Variants in SCRIB observed in about 807,000 individuals in gnomAD.
SCRIB encodes scribble planar cell polarity protein, also known as protein scribble homolog.
In SCRIB, 72 loss-of-function variants were observed where a neutral mutation model predicts 170.0. That is an observed-to-expected ratio of 0.42 (90% CI 0.35 to 0.52). The LOEUF (loss-of-function observed/expected upper bound fraction) is 0.52, where lower values mean the gene tolerates loss of function less well. Ranked by LOEUF, SCRIB falls within the 20% of genes least tolerant of loss-of-function variation. The pLI is 0.02. For missense variants in SCRIB, 2,475 were observed against 2,338.5 expected, an observed-to-expected ratio of 1.06 and a Z score of -1.20; for synonymous variants, 1,298 against 1,044.3, an observed-to-expected ratio of 1.24 and a Z score of -4.68.
chr8:143,806,508 C>T, intron 17 of SCRIB, 24 bp from the exon 18 acceptor site: 2 of 1,563,134 alleles, frequency 1.3e-6, no homozygotes, highest in Non-Finnish European at 1.7e-6. Context: ...ACGAGCTTGG[C>T]AGGGGCCAGG....
In SCRIB at chr8:143,791,372, G is replaced by A. The variant is rs369889971; in HGVS notation, c.4822+17C>T. 1.9e-6 allele frequency: 3 copies of A among 1,606,624 alleles called. No individual in the cohort carries two copies. The highest frequency in any genetic ancestry group is 2.7e-5 in the African/African-American group (2 of 74,868). On this transcript the variant is annotated intron_variant, in intron 36 of 36. Transcript: ENST00000356994. ...GCTGGGCTCCTGGGAGCTCACCCCA[G>A]CCCGGCCCCAACTCACCAGGGCTGG...
Position 143,807,578 on chromosome 8 carries a change from C to G in SCRIB, c.2152G>C (p.Glu718Gln), listed in dbSNP as rs1424850563. 3 of 1,613,870 alleles carry G rather than the reference C, an allele frequency of 1.9e-6. No individual in the cohort carries two copies. The African/African-American group carries it at 4.0e-5, about 22-fold the overall frequency. ...SFDQANNLLIEPARIEEEELT... is the reference protein window; with the variant it reads ...SFDQANNLLIQPARIEEEELT... ...TCTTCCTCCTCAATGCGAGCAGGCT[C>G]TATCAGCAGGTTATTGGCCTGGTCA... The change falls in exon 16 of 37, where the codon GAG (glutamate) becomes CAG (glutamine). Residue 718 changes from glutamate to glutamine, a missense_variant. By Grantham distance (29) the Glu-to-Gln change is conservative. Around this residue, in one of 3 missense-constraint regions of SCRIB, gnomAD observed 1,966 missense variants for 1,742.9 expected, o/e 1.13. Transcript: ENST00000356994.
intron 1 of SCRIB, 148 bp from the exon 2 acceptor site, chr8:143,814,266 C>A: frequency 1.5e-6 from 1 of 646,434 alleles, no homozygotes; most frequent in Non-Finnish European, 2.7e-6. Flanking sequence ...CCACGACACC[C>A]CATTTGCAAA....
rs769235411 is a variant in SCRIB at position 143,808,641 on chromosome 8, CCTT to C, written c.2080_2082del (p.Lys694del). 29 of 1,515,772 alleles carry C rather than the reference CCTT, an allele frequency of 1.9e-5. No homozygotes were observed. The African/African-American group carries it at 2.4e-4, about 12-fold the overall frequency. 93.9% of individuals were successfully genotyped at this position (1,515,772 alleles called of 1,614,324 possible). A position where few individuals can be genotyped will look rare whatever the true frequency, so the allele number is the denominator to read the frequency against. On this transcript the variant is annotated inframe_deletion, in exon 15 of 37. Coordinates refer to ENST00000356994, the MANE Select transcript of SCRIB (RefSeq NM_182706.5). ...GAGGGCGCAGAAACCACGGCCCCCT[CCTT>C]GTCCTCCTCCTCAGTGCTGGCCTCT...
In SCRIB at chr8:143,795,315, G is replaced by C; in HGVS notation, c.3733C>G (p.Gln1245Glu). The C allele has an allele frequency of 6.2e-7, 1 of 1,612,738 alleles. No homozygotes were observed. The highest frequency in any genetic ancestry group is 8.5e-7 in the Non-Finnish European group (1 of 1,179,878). ...GPGKEKELPGQTLHWGPEATE... is the reference protein window; with the variant it reads ...GPGKEKELPGETLHWGPEATE... ...GCCTCGGGCCCCCAGTGCAGGGTCTGTCCAGGCAGCTCCTTCTCCTGTGAG... is the reference window on the plus strand; with the variant it reads ...GCCTCGGGCCCCCAGTGCAGGGTCTCTCCAGGCAGCTCCTTCTCCTGTGAG... Residue 1245 changes from glutamine to glutamate, a missense_variant, in exon 26 of 37, where the codon CAG becomes GAG. Gln to Glu is a conservative substitution (Grantham distance 29). Coordinates refer to ENST00000356994, the MANE Select transcript of SCRIB (RefSeq NM_182706.5).
chr8:143,806,873 G>A lies in SCRIB; in HGVS notation c.2268+51C>T, dbSNP rs375632681. On this transcript the variant is annotated intron_variant, in intron 17 of 36. Coordinates refer to ENST00000356994, the MANE Select transcript of SCRIB (RefSeq NM_182706.5). ...GGCCTGTGTGCCATCAGTGTGAACTGTGGTGGGGCAGGCCAGTGGCAGCGG... is the reference window on the plus strand; with the variant it reads ...GGCCTGTGTGCCATCAGTGTGAACTATGGTGGGGCAGGCCAGTGGCAGCGG... 371 of 1,288,104 alleles carry A rather than the reference G, an allele frequency of 2.9e-4. 1 individual carries two copies. Among genetic ancestry groups the A allele is most frequent in the Non-Finnish European group, 3.7e-4 (334 of 907,360 alleles). The allele number at this position is 1,288,104 out of a possible 1,614,324, so 79.8% of individuals were successfully genotyped here. A position where few individuals can be genotyped will look rare whatever the true frequency, so the allele number is the denominator to read the frequency against.
At position 143,792,314 on chromosome 8, in the gene SCRIB, G is replaced by A; in HGVS notation, c.4420C>T (p.Gln1474Ter). Residue 1474 changes from glutamine (Q) to a stop codon, truncating the protein, a stop_gained, in exon 32 of 37, where the codon CAG (glutamine) becomes TAG (stop). Coordinates refer to ENST00000356994, the MANE Select transcript of SCRIB (RefSeq NM_182706.5). LOFTEE classifies it high-confidence loss of function. Reference protein sequence around the residue: ...ERRHQERLRVQSPEPPAPERA... With the variant: ...ERRHQERLRV ...TCGGGTGCCGGTGGCTCCGGACTCT[G>A]CACGCGCAGCCGCTCCTGGTGGCGC... is the stretch of plus-strand genomic sequence containing the variant. 6.4e-7 allele frequency: 1 copy of A among 1,552,696 alleles called. No homozygotes were observed. The highest frequency in any genetic ancestry group is 8.6e-7 in the Non-Finnish European group (1 of 1,156,228).
chr8:143,795,122 G>T lies in SCRIB; in HGVS notation c.3772-10C>A. The T allele has an allele frequency of 6.2e-7, 1 of 1,610,584 alleles. No homozygotes were observed. The highest frequency in any genetic ancestry group is 2.2e-5 in the East Asian group (1 of 44,820). On this transcript the variant is annotated splice_polypyrimidine_tract_variant and intron_variant, in intron 26 of 36. Transcript: ENST00000356994. ...GCTGCAGACCCCGACCCTGGGGGCA[G>T]AGTGAACACAGCACTAGCAGGGGTA...
intron 21 of SCRIB, 92 bp from the exon 22 acceptor site, chr8:143,804,248 A>C: frequency 1.0e-6 from 1 of 989,166 alleles, no homozygotes; most frequent in Non-Finnish European, 1.5e-6. Context: ...GTCCTTGGGG[A>C]TGGCGGGCGG....
chr8:143,805,792 A>C (rs1306203313), intron 18 of SCRIB, among the ~76,000 whole-genome samples: 14 of 152,126 alleles, frequency 9.2e-5, no homozygotes, highest in African/African-American at 3.4e-4. Context: ...TTACTGACCC[A>C]CACCCCCACC....
chr8:143,795,044 C>A lies in SCRIB; in HGVS notation c.3840G>T (p.Val1280=). The part of the protein sequence containing the change: ...ALAAVPSAGS[V]QRVPSGAAGG... ...CTGCACACTGGGCACTCACCCTCTGCACGCTGCCAGCGCTGGGCACGGCGG... is the reference window on the plus strand; with the variant it reads ...CTGCACACTGGGCACTCACCCTCTGAACGCTGCCAGCGCTGGGCACGGCGG... Residue 1280 remains valine (V), a synonymous_variant, in exon 27 of 37, where the codon GTG becomes GTT. Transcript: ENST00000356994. The A allele has an allele frequency of 6.2e-7, 1 of 1,610,500 alleles. No homozygotes were observed. The highest frequency in any genetic ancestry group is 8.5e-7 in the Non-Finnish European group (1 of 1,179,018).
chr8:143,813,134 T>C (rs772207827), intron 6 of SCRIB, 30 bp from the exon 7 acceptor site: 1 of 1,572,596 alleles, frequency 6.4e-7, no homozygotes, highest in Non-Finnish European at 8.6e-7. Context: ...AAATAGTGAC[T>C]ATGAGGCAAA....
At chr8:143,812,452 G>A (rs879666225) in intron 8 of SCRIB, 68 bp from the exon 9 acceptor site, 50 of 1,230,548 alleles carry the variant, frequency 4.1e-5, no homozygotes, top group Non-Finnish European at 5.9e-5. Flanking sequence ...CACCTGGCCA[G>A]AAGCGCCCTC....
Position 143,804,926 on chromosome 8 carries a change from C to T in SCRIB, c.2751+8G>A. The T allele has an allele frequency of 1.3e-6, 2 of 1,546,392 alleles. No homozygotes were observed. Among genetic ancestry groups the T allele is most frequent in the Non-Finnish European group, 1.7e-6 (2 of 1,152,156 alleles). The stretch of plus-strand genomic sequence containing the variant: ...GGGTGGGTGGGGCGGGGCCCCATCC[C>T]CACTCACAGAGAGGACGCGGTCGCC... On this transcript the variant is annotated splice_region_variant and intron_variant, in intron 20 of 36. Coordinates refer to ENST00000356994, the MANE Select transcript of SCRIB (RefSeq NM_182706.5).
At chr8:143,795,363 G>C (rs199855196) in intron 25 of SCRIB, 30 bp from the exon 26 acceptor site, 2 of 1,612,560 alleles carry the variant, frequency 1.2e-6, no homozygotes, top group Admixed American at 1.7e-5. Context: ...GACCCGTCAG[G>C]CACCACCGGC....
intron 1 of SCRIB, among the ~76,000 whole-genome samples, chr8:143,814,337 C>T (rs1011200764): frequency 1.1e-4 from 16 of 152,058 alleles, no homozygotes; most frequent in African/African-American, 3.6e-4. Context: ...ACTCTTCACA[C>T]CAGCCTCCAC....
Position 143,809,676 on chromosome 8 carries a change from G to C in SCRIB, c.1573C>G (p.Arg525Gly). 1 of 1,610,924 alleles carries C rather than the reference G, an allele frequency of 6.2e-7. No homozygotes were observed. Among genetic ancestry groups the C allele is most frequent in the South Asian group, 1.1e-5 (1 of 91,084 alleles). Residue 525 changes from arginine to glycine, a missense_variant, in exon 14 of 37, where the codon CGC (arginine) becomes GGC (glycine). By Grantham distance (125) the Arg-to-Gly change is moderately radical. Coordinates refer to ENST00000356994, the MANE Select transcript of SCRIB (RefSeq NM_182706.5). ...SAESGLSEDS[R>G]PSASTVSEAE... The stretch of plus-strand genomic sequence containing the variant: ...TCAGAGACTGTGCTGGCAGATGGGC[G>C]AGAGTCTTCACTCAGGCCAGACTCG...
chr8:143,806,127 T>C (rs1302524214), intron 18 of SCRIB, among the ~76,000 whole-genome samples: 1 of 152,090 alleles, frequency 6.6e-6, no homozygotes, highest in Non-Finnish European at 1.5e-5. Flanking sequence ...GCTGCTGCCC[T>C]ACCCACTGGT....
chr8:143,807,644 G>A (rs782727393), intron 15 of SCRIB, 30 bp from the exon 16 acceptor site: 2 of 1,589,718 alleles, frequency 1.3e-6, no homozygotes, highest in African/African-American at 1.3e-5. Context: ...GAGGCATGCA[G>A]GTTAGCCACC....
Sources: gnomAD v4.1 joint callset for allele counts (sites outside exome capture counted in the v4.1 genomes callset) on GRCh38, gnomAD v4.1.1 for gene constraint, gnomAD v4.1.1 regional missense constraint, MANE v1.5 for transcripts, NCBI Gene and HGNC (gene_info 2026-07-23, HGNC 2026-07-21) for gene names.